Variants in LNX2 observed in about 807,000 individuals in gnomAD.
LNX2 encodes the protein ligand of Numb protein X 2.
A neutral mutation model predicts 66.2 loss-of-function variants in LNX2; 35 were observed. The ratio of observed to expected loss-of-function variants is 0.53; its 90% confidence interval spans 0.40 to 0.70. LNX2 has a LOEUF of 0.70. Among genes scored for constraint, LNX2 ranks in the 30% least tolerant of loss-of-function variants. The probability of loss-of-function intolerance (pLI) is 0.00; values close to 1 mark genes in which losing one functional copy is unlikely to be tolerated. For missense variants in LNX2, 791 were observed against 850.8 expected (o/e 0.93, Z 0.87); for synonymous variants, 337 against 315.6 (o/e 1.07, Z -0.72).
rs1555268513 is a variant in LNX2, at chr13:27,583,255, T to TGCGTGCGCGCGCGCGCGC, written c.-100-1453_-100-1452insGCGCGCGCGCGCGCACGC. On this transcript the variant is annotated intron_variant, in intron 1 of 9. Coordinates refer to ENST00000316334, the MANE Select transcript of LNX2 (RefSeq NM_153371.4). Reference sequence around the variant, plus strand: ...GTGTGTGTGTGTGTGTGTGTGTGTGTGCGCGCGTCCTCTCCAACATACTTA... The same window carrying TGCGTGCGCGCGCGCGCGC: ...GTGTGTGTGTGTGTGTGTGTGTGTGTGCGTGCGCGCGCGCGCGCGCGCGCGTCCTCTCCAACATACTTA... Among the ~76,000 whole-genome samples, 2 of 58,530 alleles carry TGCGTGCGCGCGCGCGCGC rather than the reference T, an allele frequency of 3.4e-5. 1 individual carries two copies. Among genetic ancestry groups the TGCGTGCGCGCGCGCGCGC allele is most frequent in the Non-Finnish European group, 6.4e-5 (2 of 31,258 alleles). The allele number at this position is 58,530 out of a possible 152,430, so 38.4% of individuals were successfully genotyped here. A position where few individuals can be genotyped will look rare whatever the true frequency, so the allele number is the denominator to read the frequency against.
chr13:27,598,451 T>A (rs899009063), intron 1 of LNX2, among the ~76,000 whole-genome samples: 5 of 152,154 alleles, frequency 3.3e-5, no homozygotes, highest in African/African-American at 1.2e-4. Context: ...GATTAACCCA[T>A]GGGGTCAATT....
chr13:27,588,935 C>A (rs1307186161), intron 1 of LNX2, among the ~76,000 whole-genome samples: 1 of 152,106 alleles, frequency 6.6e-6, no homozygotes, highest in African/African-American at 2.4e-5. Context: ...TGTTTTTAAT[C>A]TGTCATGAGC....
chr13:27,592,573 T>C (rs1955555777), intron 1 of LNX2, among the ~76,000 whole-genome samples: 1 of 152,080 alleles, frequency 6.6e-6, no homozygotes, highest in Non-Finnish European at 1.5e-5. Context: ...AATGGGAAGA[T>C]GATATAAATT....
At chr13:27,608,084 T>A (rs938067017) in intron 1 of LNX2, among the ~76,000 whole-genome samples, 1 of 152,216 alleles carries the variant, frequency 6.6e-6, no homozygotes, top group Non-Finnish European at 1.5e-5. Flanking sequence ...AGTCTCACCA[T>A]GTAGAACAGT....
intron 3 of LNX2, 66 bp downstream of exon 3, chr13:27,568,961 CAT>C: frequency 6.9e-7 from 1 of 1,445,418 alleles, no homozygotes; most frequent in Non-Finnish European, 9.2e-7. Flanking sequence ...GAAAAAAGTA[CAT>C]GTTGGGCAAG....
chr13:27,588,346 G>C (rs892332341), intron 1 of LNX2, among the ~76,000 whole-genome samples: 3 of 152,070 alleles, frequency 2.0e-5, no homozygotes, highest in African/African-American at 7.2e-5. Context: ...CGATAAAAAG[G>C]AATGAACTAT....
Position 27,562,490 on chromosome 13 carries a change from TGCTTA to T in LNX2, c.1142_1146del (p.Leu381GlnfsTer3). ...TTGATGGCCAGCACTCGGTCATTGC[TGCTTA>T]GCCTGCCGTCCTGGGCAGCCAACCC... On this transcript the variant is annotated frameshift_variant, in exon 5 of 10. Coordinates refer to ENST00000316334, the MANE Select transcript of LNX2 (RefSeq NM_153371.4). LOFTEE classifies it high-confidence loss of function. 1 of 1,614,208 alleles carries T rather than the reference TGCTTA, an allele frequency of 6.2e-7. No homozygotes were observed. The highest frequency in any genetic ancestry group is 8.5e-7 in the Non-Finnish European group (1 of 1,180,028).
intron 2 of LNX2, among the ~76,000 whole-genome samples, chr13:27,576,911 T>C (rs970126770): frequency 6.6e-5 from 10 of 152,172 alleles, no homozygotes; most frequent in African/African-American, 2.2e-4. Context: ...AATGTTTTCT[T>C]AGATATGACA....
chr13:27,591,297 AC>A (rs1218823283), intron 1 of LNX2, among the ~76,000 whole-genome samples: 2 of 152,254 alleles, frequency 1.3e-5, no homozygotes, highest in African/African-American at 4.8e-5. Context: ...CCTGCAAAAT[AC>A]AAATGCATAA....
chr13:27,583,206 G>GCGCGCGCGTGCCCTCTCCAATATAACTT lies in LNX2; in HGVS notation c.-100-1404_-100-1403insAAGTTATATTGGAGAGGGCACGCGCGCG, dbSNP rs1566124655. 3.9e-4 allele frequency among the ~76,000 whole-genome samples: 7 copies of GCGCGCGCGTGCCCTCTCCAATATAACTT among 18,008 alleles called. 1 individual carries two copies. The highest frequency in any genetic ancestry group is 5.2e-4 in the Non-Finnish European group (5 of 9,568). 11.8% of individuals were successfully genotyped at this position (18,008 alleles called of 152,430 possible). A position where few individuals can be genotyped will look rare whatever the true frequency, so the allele number is the denominator to read the frequency against. On this transcript the variant is annotated intron_variant, in intron 1 of 9. Transcript: ENST00000316334. ...TGTGTGTGTGTGTGTGTGTGTGTGTGTGTGTGTGTGTGTGTGTGTGTGTGT... is the reference window on the plus strand; with the variant it reads ...TGTGTGTGTGTGTGTGTGTGTGTGTGCGCGCGCGTGCCCTCTCCAATATAACTTTGTGTGTGTGTGTGTGTGTGTGTGT...
rs1242930383 is a variant in LNX2, at chr13:27,560,565, G to GCATATATATATATATATATATATATATA, written c.1225-581_1225-580insTATATATATATATATATATATATATATG. Among the ~76,000 whole-genome samples the GCATATATATATATATATATATATATATA allele has an allele frequency of 1.5e-3, 179 of 119,944 alleles. 2 individuals carry two copies. The highest frequency in any genetic ancestry group is 2.9e-3 in the East Asian group (13 of 4,494). 78.7% of individuals were successfully genotyped at this position (119,944 alleles called of 152,430 possible). A position where few individuals can be genotyped will look rare whatever the true frequency, so the allele number is the denominator to read the frequency against. On this transcript the variant is annotated intron_variant, in intron 5 of 9. Transcript: ENST00000316334. ...ATAACAAGACTTTATATGTATGTGT[G>GCATATATATATATATATATATATATATA]TATATATATATATATATATAGCATA...
chr13:27,559,952 T>A lies in LNX2; in HGVS notation c.1258A>T (p.Arg420Ter). 1 of 1,609,254 alleles carries A rather than the reference T, an allele frequency of 6.2e-7. No homozygotes were observed. The highest frequency in any genetic ancestry group is 8.5e-7 in the Non-Finnish European group (1 of 1,177,446). The change falls in exon 6 of 10, where the codon AGA becomes TGA. Residue 420 changes from arginine (R) to a stop codon, truncating the protein, a stop_gained. Coordinates refer to ENST00000316334, the MANE Select transcript of LNX2 (RefSeq NM_153371.4). LOFTEE classifies it high-confidence loss of function. Reference protein sequence around the residue: ...SGERVNLTIARPGKPQPGNTI... With the variant: ...SGERVNLTIA The stretch of plus-strand genomic sequence containing the variant: ...TTACCAGGCTGGGGTTTCCCTGGTC[T>A]AGCAATTGTTAAATTCACTCTCTCT...
At chr13:27,583,227 TGTGTGTGTGTG>T (rs1955432336) in intron 1 of LNX2, among the ~76,000 whole-genome samples, 2 of 19,696 alleles carry the variant, frequency 1.0e-4, no homozygotes, top group Non-Finnish European at 2.1e-4. Flanking sequence ...TGTGTGTGTG[TGTGTGTGTGTG>T]TGTGTGTGTG....
chr13:27,588,516 TA>T (rs1449614853), intron 1 of LNX2, among the ~76,000 whole-genome samples: 2 of 152,252 alleles, frequency 1.3e-5, no homozygotes, highest in East Asian at 1.9e-4. Context: ...CAAGAAGGGT[TA>T]GGGGCAAATA....
intron 2 of LNX2, among the ~76,000 whole-genome samples, chr13:27,570,234 C>T (rs929522558): frequency 6.6e-6 from 1 of 152,144 alleles, no homozygotes; most frequent in Non-Finnish European, 1.5e-5. Flanking sequence ...ATGACACATG[C>T]TTTGGTTGTA....
At chr13:27,601,032 A>G (rs1955652770) in intron 1 of LNX2, among the ~76,000 whole-genome samples, 1 of 152,230 alleles carries the variant, frequency 6.6e-6, no homozygotes, top group Non-Finnish European at 1.5e-5. Context: ...AGAGTCTTAT[A>G]AAGTCCATTT....
chr13:27,554,165 T>C (rs1433294080), intron 7 of LNX2, among the ~76,000 whole-genome samples: 5 of 152,144 alleles, frequency 3.3e-5, no homozygotes, highest in Admixed American at 3.3e-4. Context: ...AGCAAATCAT[T>C]CTCATTGTAG....
chr13:27,583,207 T>C (rs372861932), intron 1 of LNX2, among the ~76,000 whole-genome samples: 3,064 of 23,842 alleles, frequency 0.13, 333 homozygotes, highest in East Asian at 0.38. Context: ...TGTGTGTGTG[T>C]GTGTGTGTGT....
intron 1 of LNX2, among the ~76,000 whole-genome samples, chr13:27,604,063 C>G (rs654042): frequency 0.64 from 96,411 of 151,746 alleles, 31,384 homozygotes; most frequent in Non-Finnish European, 0.69. Context: ...GACCATCCTG[C>G]CTAACACGGT....
Sources: gnomAD v4.1 joint callset for allele counts (sites outside exome capture counted in the v4.1 genomes callset) on GRCh38, gnomAD v4.1.1 for gene constraint, MANE v1.5 for transcripts, NCBI Gene and HGNC (gene_info 2026-07-23, HGNC 2026-07-21) for gene names.